Variants in DMXL1 observed in about 807,000 individuals in gnomAD.
DMXL1 encodes the protein dmX-like protein 1.
In DMXL1, 99 loss-of-function variants were observed where a neutral mutation model predicts 319.2. That is an observed-to-expected ratio of 0.31 (90% CI 0.26 to 0.37). The LOEUF (loss-of-function observed/expected upper bound fraction) is 0.37. Ranked by LOEUF, DMXL1 falls within the 10% of genes least tolerant of loss-of-function variation. DMXL1 has a pLI of 1.00. For synonymous variants in DMXL1, 1,385 were observed against 1,235.2 expected (o/e 1.12, Z -2.54); for missense variants, 3,745 against 3,595.6 (o/e 1.04, Z -1.06).
At position 119,129,367 on chromosome 5, in the gene DMXL1, C is replaced by A. The variant is rs370656599; in HGVS notation, c.1259C>A (p.Pro420Gln). The change falls in exon 10 of 44, where the codon CCA becomes CAA. Residue 420 changes from proline to glutamine, a missense_variant. Physicochemically the swap from Pro to Gln is moderately conservative, Grantham distance 76 (BLOSUM62 -1). Around this residue, in one of 4 missense-constraint regions of DMXL1, gnomAD observed 2,096 missense variants for 1,985.4 expected, o/e 1.06. Coordinates refer to ENST00000539542, the MANE Select transcript of DMXL1 (RefSeq NM_001290321.3). ...LQQLRKSFEQ[P>Q]SSEASVEDSN... ...CAACTTAGAAAAAGTTTTGAACAAC[C>A]ATCTTCTGAGGCCAGTGTAGAAGAT... is the stretch of plus-strand genomic sequence containing the variant. The A allele has an allele frequency of 3.7e-6, 6 of 1,613,674 alleles. No individual in the cohort carries two copies. In the African/African-American group the frequency reaches 8.0e-5, roughly 22 times the overall value.
chr5:119,220,933 T>C lies in DMXL1; in HGVS notation c.8136-7T>C. On this transcript the variant is annotated splice_polypyrimidine_tract_variant and splice_region_variant and intron_variant, in intron 36 of 43. Transcript: ENST00000539542. ...TTGTTTTTATTCTGGTTGACATTCC[T>C]TTATAGATCAGAAGATTTCTTGGTT... The C allele has an allele frequency of 6.2e-7, 1 of 1,612,254 alleles. No individual in the cohort carries two copies. The highest frequency in any genetic ancestry group is 8.5e-7 in the Non-Finnish European group (1 of 1,179,294).
intron 1 of DMXL1, among the ~76,000 whole-genome samples, chr5:119,075,276 A>G (rs1219194812): frequency 4.5e-5 from 6 of 131,906 alleles, no homozygotes; most frequent in Admixed American, 8.7e-5. Flanking sequence ...GTATCACTCT[A>G]TCACCCAGGC....
intron 23 of DMXL1, among the ~76,000 whole-genome samples, chr5:119,168,077 T>C (rs1581125499): frequency 1.3e-5 from 2 of 152,240 alleles, no homozygotes; most frequent in East Asian, 3.8e-4. Flanking sequence ...AAAATAGATT[T>C]ACATAAATAT....
chr5:119,142,866 A>G (rs1767721531), intron 13 of DMXL1, among the ~76,000 whole-genome samples: 1 of 152,162 alleles, frequency 6.6e-6, no homozygotes, highest in Non-Finnish European at 1.5e-5. Context: ...ATAAAAAAGA[A>G]TGAAATGATG....
intron 8 of DMXL1, among the ~76,000 whole-genome samples, chr5:119,119,346 TC>T (rs1487270301): frequency 6.6e-6 from 1 of 152,182 alleles, no homozygotes; most frequent in Non-Finnish European, 1.5e-5. Context: ...TTTGTCCTAT[TC>T]TGTTCTTCTA....
intron 34 of DMXL1, among the ~76,000 whole-genome samples, chr5:119,215,805 A>G (rs1783574372): frequency 6.6e-6 from 1 of 152,098 alleles, no homozygotes; most frequent in South Asian, 2.1e-4. Flanking sequence ...AAAAGATTGA[A>G]AGTTAGAATG....
intron 2 of DMXL1, among the ~76,000 whole-genome samples, chr5:119,099,000 C>T (rs556725587): frequency 3.0e-4 from 46 of 152,230 alleles, no homozygotes; most frequent in African/African-American, 1.1e-3. Context: ...AATTATAAAA[C>T]GAGTTTCTGT....
rs779558483 is a variant in DMXL1, at chr5:119,178,519, GT to G, written c.7135+276del. 9.9e-4 allele frequency: 667 copies of G among 675,150 alleles called. 1 individual carries two copies. The highest frequency in any genetic ancestry group is 1.0e-3 in the Non-Finnish European group (546 of 547,006). The allele number at this position is 675,150 out of a possible 1,614,324, so 41.8% of individuals were successfully genotyped here. A position where few individuals can be genotyped will look rare whatever the true frequency, so the allele number is the denominator to read the frequency against. On this transcript the variant is annotated intron_variant, in intron 28 of 43. Transcript: ENST00000539542. ...ACTTTCATTTGTTTTGAAACACACT[GT>G]AATATTGGTTTTTGTTCTATCCCAA... is the stretch of plus-strand genomic sequence containing the variant.
chr5:119,121,893 G>A lies in DMXL1; in HGVS notation c.1102+754G>A, dbSNP rs1376730297. ...GCGCCCCTCACCTCCTGGACGGGGC[G>A]GCTGGCCGGGCGGGGGGCTGACCCC... is the stretch of plus-strand genomic sequence containing the variant. On this transcript the variant is annotated intron_variant, in intron 9 of 43. Transcript: ENST00000539542. 8.7e-4 allele frequency among the ~76,000 whole-genome samples: 129 copies of A among 147,624 alleles called. 2 individuals are homozygous for A. The highest frequency in any genetic ancestry group is 2.2e-3 in the East Asian group (11 of 4,896).
intron 13 of DMXL1, among the ~76,000 whole-genome samples, chr5:119,141,600 A>G (rs1483933415): frequency 1.3e-5 from 2 of 152,176 alleles, no homozygotes; most frequent in Non-Finnish European, 2.9e-5. Flanking sequence ...GATAAATCAG[A>G]GAAGACACAA....
At chr5:119,139,273 CAT>C (rs1231696319) in intron 13 of DMXL1, among the ~76,000 whole-genome samples, 5 of 152,190 alleles carry the variant, frequency 3.3e-5, no homozygotes, top group African/African-American at 4.8e-5. Flanking sequence ...CAGATCCACA[CAT>C]GTCAGTGCTA....
intron 14 of DMXL1, among the ~76,000 whole-genome samples, chr5:119,144,213 A>AATCT (rs1371307985): frequency 6.6e-6 from 1 of 151,858 alleles, no homozygotes; most frequent in African/African-American, 2.4e-5. Context: ...AGATTTAATA[A>AATCT]AGTGGTGTTA....
intron 41 of DMXL1, 140 bp downstream of exon 41, chr5:119,239,220 C>A: frequency 1.1e-6 from 1 of 924,384 alleles, no homozygotes; most frequent in Non-Finnish European, 1.6e-6. Flanking sequence ...ATTTATTGGC[C>A]ATGTTATTCC....
At chr5:119,107,342 GA>G (rs112070732) in intron 4 of DMXL1, among the ~76,000 whole-genome samples, 17 of 141,512 alleles carry the variant, frequency 1.2e-4, no homozygotes, top group East Asian at 2.0e-4. Context: ...ACTTGTCTCA[GA>G]AAAAAAAAAA....
At position 119,098,035 on chromosome 5, in the gene DMXL1, G is replaced by A; in HGVS notation, c.144G>A (p.Gln48=). Residue 48 remains glutamine (Q), a synonymous_variant, in exon 2 of 44, where the codon CAG becomes CAA. Coordinates refer to ENST00000539542, the MANE Select transcript of DMXL1 (RefSeq NM_001290321.3). ...TGGGAAGCGATTTTGAAAGATTACAGATAATCCCAGGAGCTAAACATGGAA... is the reference window on the plus strand; with the variant it reads ...TGGGAAGCGATTTTGAAAGATTACAAATAATCCCAGGAGCTAAACATGGAA... ...VILGSDFERL[Q]IIPGAKHGNI... is the part of the protein sequence containing the mutation. The A allele has an allele frequency of 6.2e-7, 1 of 1,609,342 alleles. No homozygotes were observed. Among genetic ancestry groups the A allele is most frequent in the Non-Finnish European group, 8.5e-7 (1 of 1,178,648 alleles).
intron 16 of DMXL1, 74 bp downstream of exon 16, chr5:119,147,030 T>C: frequency 6.5e-7 from 1 of 1,527,414 alleles, no homozygotes; most frequent in Non-Finnish European, 8.9e-7. Flanking sequence ...TTAGATAATT[T>C]GGGACATATT....
At chr5:119,198,577 A>C (rs773258381) in intron 32 of DMXL1, among the ~76,000 whole-genome samples, 14 of 152,232 alleles carry the variant, frequency 9.2e-5, no homozygotes, top group Non-Finnish European at 2.1e-4. Context: ...CAACAGATTC[A>C]GCACAATTCC....
intron 1 of DMXL1, among the ~76,000 whole-genome samples, chr5:119,086,659 T>C (rs1753438005): frequency 6.6e-6 from 1 of 152,214 alleles, no homozygotes; most frequent in South Asian, 2.1e-4. Context: ...AATTCAGCAG[T>C]GAAACCATCA....
chr5:119,092,310 G>A (rs188132920), intron 1 of DMXL1, among the ~76,000 whole-genome samples: 1 of 150,820 alleles, frequency 6.6e-6, no homozygotes, highest in African/African-American at 2.4e-5. Flanking sequence ...TTTTCACATA[G>A]GGTCTTGCTG....
Sources: gnomAD v4.1 joint callset for allele counts (sites outside exome capture counted in the v4.1 genomes callset) on GRCh38, gnomAD v4.1.1 for gene constraint, gnomAD v4.1.1 regional missense constraint, MANE v1.5 for transcripts, NCBI Gene and HGNC (gene_info 2026-07-23, HGNC 2026-07-21) for gene names.